The following CNTNAP2 variants were observed in gnomAD, a reference collection of about 807,000 sequenced individuals.
CNTNAP2 encodes contactin associated protein 2.
Under a neutral mutation model 155.2 loss-of-function variants are expected in CNTNAP2, and 98 were observed. The ratio of observed to expected loss-of-function variants is 0.63; its 90% confidence interval spans 0.54 to 0.75. The LOEUF (loss-of-function observed/expected upper bound fraction) is 0.75, where lower values mean the gene tolerates loss of function less well. Ranked by LOEUF, CNTNAP2 falls within the 30% of genes least tolerant of loss-of-function variation. The pLI, the probability that CNTNAP2 is intolerant of heterozygous loss-of-function variation, is 0.00. For synonymous variants in CNTNAP2, 651 were observed against 631.2 expected (o/e 1.03, Z -0.47); for missense variants, 1,727 against 1,688.1 (o/e 1.02, Z -0.40).
intron 1 of CNTNAP2, among the ~76,000 whole-genome samples, chr7:146,525,892 A>G (rs1400023467): frequency 1.3e-5 from 2 of 152,258 alleles, no homozygotes; most frequent in East Asian, 3.9e-4. Context: ...ATGTGACACA[A>G]ATCCAGTCCC....
At chr7:146,721,610 ATATATATATTCTATATACATTC>A (rs1801320551) in intron 1 of CNTNAP2, among the ~76,000 whole-genome samples, 3 of 87,178 alleles carry the variant, frequency 3.4e-5, no homozygotes, top group African/African-American at 1.2e-4. Flanking sequence ...TATACATTCT[ATATATATATTCTATATACATTC>A]TATATATATT....
At chr7:146,757,993 C>G (rs967526519) in intron 1 of CNTNAP2, among the ~76,000 whole-genome samples, 4 of 152,138 alleles carry the variant, frequency 2.6e-5, no homozygotes, top group African/African-American at 9.7e-5. Flanking sequence ...AATCTCCTCT[C>G]TGAGAAAGCT....
chr7:146,233,754 TGA>T, intron 1 of CNTNAP2, among the ~76,000 whole-genome samples: 1 of 151,976 alleles, frequency 6.6e-6, no homozygotes, highest in Admixed American at 6.6e-5. Context: ...CTGAGAATGA[TGA>T]TTTCCAATTT....
intron 13 of CNTNAP2, among the ~76,000 whole-genome samples, chr7:147,780,291 T>C (rs1396042884): frequency 6.6e-6 from 1 of 152,230 alleles, no homozygotes; most frequent in Non-Finnish European, 1.5e-5. Flanking sequence ...GGCATTCTAG[T>C]ATAATTGCCA....
chr7:147,167,523 C>A, intron 8 of CNTNAP2: 1 of 826,008 alleles, frequency 1.2e-6, no homozygotes, highest in Non-Finnish European at 1.9e-6. Flanking sequence ...GCATTATAAG[C>A]ATGACTTAGA....
At chr7:146,848,633 T>G (rs1377602366) in intron 3 of CNTNAP2, among the ~76,000 whole-genome samples, 1 of 151,758 alleles carries the variant, frequency 6.6e-6, no homozygotes, top group Non-Finnish European at 1.5e-5. Flanking sequence ...AGGTAAGGAG[T>G]TGGTCACTCA....
intron 3 of CNTNAP2, among the ~76,000 whole-genome samples, chr7:146,895,840 TC>T (rs1199078557): frequency 6.6e-6 from 1 of 152,068 alleles, no homozygotes; most frequent in African/African-American, 2.4e-5. Context: ...TGAGCTTCAG[TC>T]CCCGACGGCA....
At chr7:146,282,180 CTCA>C (rs1800262567) in intron 1 of CNTNAP2, among the ~76,000 whole-genome samples, 1 of 152,182 alleles carries the variant, frequency 6.6e-6, no homozygotes, top group African/African-American at 2.4e-5. Context: ...TGTGTATAGA[CTCA>C]TGACAATGCT....
At chr7:147,280,499 C>T (rs1215364107) in intron 8 of CNTNAP2, among the ~76,000 whole-genome samples, 1 of 151,786 alleles carries the variant, frequency 6.6e-6, no homozygotes, top group Non-Finnish European at 1.5e-5. Flanking sequence ...TGATGTTCAG[C>T]TTAGGGTTTT....
At chr7:146,321,502 A>T (rs1383686080) in intron 1 of CNTNAP2, among the ~76,000 whole-genome samples, 1 of 152,152 alleles carries the variant, frequency 6.6e-6, no homozygotes, top group African/African-American at 2.4e-5. Flanking sequence ...CACTGAGAAC[A>T]AAAGCAGGCT....
chr7:146,869,823 A>G (rs929014829), intron 3 of CNTNAP2, among the ~76,000 whole-genome samples: 2 of 152,070 alleles, frequency 1.3e-5, no homozygotes, highest in Non-Finnish European at 2.9e-5. Context: ...CTGTCAGCCA[A>G]TTGGATGGTT....
intron 11 of CNTNAP2, among the ~76,000 whole-genome samples, chr7:147,492,760 A>G (rs1282029512): frequency 1.3e-5 from 2 of 152,204 alleles, no homozygotes; most frequent in Non-Finnish European, 2.9e-5. Flanking sequence ...ACTCATACTT[A>G]TAGAAGGTGA....
intron 8 of CNTNAP2, among the ~76,000 whole-genome samples, chr7:147,275,051 G>A (rs1226453864): frequency 6.6e-6 from 1 of 151,940 alleles, no homozygotes; most frequent in East Asian, 1.9e-4. Flanking sequence ...ATGCTGTTTT[G>A]GTTATTATAG....
intron 15 of CNTNAP2, among the ~76,000 whole-genome samples, chr7:148,046,252 T>C (rs1452985703): frequency 2.6e-5 from 4 of 152,194 alleles, no homozygotes; most frequent in South Asian, 2.1e-4. Flanking sequence ...AGCCAGTACC[T>C]GGTTCTTAAT....
At chr7:147,798,340 G>A (rs1797935304) in intron 13 of CNTNAP2, among the ~76,000 whole-genome samples, 1 of 152,014 alleles carries the variant, frequency 6.6e-6, no homozygotes, top group Admixed American at 6.5e-5. Context: ...AGGTCAATTA[G>A]CATAGTTTTG....
intron 1 of CNTNAP2, among the ~76,000 whole-genome samples, chr7:146,721,887 A>T (rs1293264368): frequency 6.1e-5 from 5 of 81,994 alleles, no homozygotes; most frequent in African/African-American, 2.0e-4. Context: ...ATATATATAT[A>T]TATTTTTTTT....
In CNTNAP2 at chr7:147,973,987, AC is replaced by A. The variant is rs1438717624; in HGVS notation, c.2256-3874del. Among the ~76,000 whole-genome samples, 168 of 152,310 alleles carry A rather than the reference AC, an allele frequency of 1.1e-3. 2 individuals are homozygous for A. The highest frequency in any genetic ancestry group is 2.7e-3 in the East Asian group (14 of 5,182). ...CCAATAATGCAAACATTTTCATAAA[AC>A]GTGGCTTATAAATTTCTATCATCCC... On this transcript the variant is annotated intron_variant, in intron 14 of 23. Transcript: ENST00000361727.
At chr7:147,065,908 A>C (rs537481102) in intron 4 of CNTNAP2, among the ~76,000 whole-genome samples, 1 of 152,310 alleles carries the variant, frequency 6.6e-6, no homozygotes, top group Non-Finnish European at 1.5e-5. Context: ...AGGAAAATTA[A>C]GAAAATAAAG....
intron 14 of CNTNAP2, among the ~76,000 whole-genome samples, chr7:147,920,999 T>C (rs958987938): frequency 3.3e-5 from 5 of 151,606 alleles, no homozygotes; most frequent in East Asian, 1.9e-4. Flanking sequence ...TTAGTAGAGA[T>C]GGGGTTTCAC....
Sources: gnomAD v4.1 joint callset for allele counts (sites outside exome capture counted in the v4.1 genomes callset) on GRCh38, gnomAD v4.1.1 for gene constraint, MANE v1.5 for transcripts, NCBI Gene and HGNC (gene_info 2026-07-23, HGNC 2026-07-21) for gene names.